KTN1: variants seen among roughly 807,000 people sequenced by gnomAD.
KTN1 encodes kinectin 1.
KTN1 carries 130 observed loss-of-function variants against 222.5 expected under a neutral mutation model. The ratio of observed to expected loss-of-function variants is 0.58; its 90% CI spans 0.51 to 0.68. KTN1 has a LOEUF of 0.68. KTN1 is among the 30% of genes least tolerant of loss of function. The pLI, the probability that KTN1 is intolerant of heterozygous loss-of-function variation, is 0.00. For synonymous variants in KTN1, 512 were observed against 496.3 expected, an observed-to-expected ratio of 1.03 and a Z score of -0.42; for missense variants, 1,508 against 1,500.4, an observed-to-expected ratio of 1.01 and a Z score of -0.08.
At chr14:55,587,267 T>C (rs2033209205) in intron 1 of KTN1, among the ~76,000 whole-genome samples, 1 of 152,184 alleles carries the variant, frequency 6.6e-6, no homozygotes, top group South Asian at 2.1e-4. Flanking sequence ...TGGTATGCCA[T>C]ATAAAGTGAA....
At position 55,684,520 on chromosome 14, in the gene KTN1, T is replaced by G; in HGVS notation, c.*417T>G. On this transcript the variant is annotated 3_prime_UTR_variant, in exon 44 of 44. Coordinates refer to ENST00000395314, the MANE Select transcript of KTN1 (RefSeq NM_001079521.2). ...TCAACTCAAGAAAACACTTTTTTGTTGCTAATGTAATCGGTTTTTGTAATG... is the reference window on the plus strand; with the variant it reads ...TCAACTCAAGAAAACACTTTTTTGTGGCTAATGTAATCGGTTTTTGTAATG... 4.8e-6 allele frequency: 1 copy of G among 207,662 alleles called. No homozygotes were observed. The highest frequency in any genetic ancestry group is 9.8e-6 in the Non-Finnish European group (1 of 102,098). The allele number at this position is 207,662 out of a possible 1,614,324, so 12.9% of individuals were successfully genotyped here.
At chr14:55,589,661 T>C (rs974363700) in intron 1 of KTN1, among the ~76,000 whole-genome samples, 13 of 140,208 alleles carry the variant, frequency 9.3e-5, no homozygotes, top group African/African-American at 1.3e-4. Context: ...GATTTCTTTT[T>C]TTTTTTTTTT....
In KTN1 at chr14:55,675,931, C is replaced by T. The variant is rs201762448; in HGVS notation, c.3855+13C>T. Reference sequence around the variant, plus strand: ...TGATTTGCATAAGGTAGGCACTGTTCGTCCTAGAGATGTAGTATCATGAGC... The same window carrying T: ...TGATTTGCATAAGGTAGGCACTGTTTGTCCTAGAGATGTAGTATCATGAGC... On this transcript the variant is annotated intron_variant, in intron 41 of 43. Coordinates refer to ENST00000395314, the MANE Select transcript of KTN1 (RefSeq NM_001079521.2). The T allele has an allele frequency of 1.2e-4, 195 of 1,580,898 alleles. No individual in the cohort carries two copies. The highest frequency in any genetic ancestry group is 1.6e-4 in the Non-Finnish European group (187 of 1,150,822).
chr14:55,632,519 G>A (rs968390809), intron 7 of KTN1, among the ~76,000 whole-genome samples: 1 of 152,044 alleles, frequency 6.6e-6, no homozygotes, highest in East Asian at 1.9e-4. Flanking sequence ...AGTGGTGGTC[G>A]CCAGGGGCTG....
intron 37 of KTN1, chr14:55,672,319 A>T (rs141299840): frequency 4.4e-4 from 111 of 250,094 alleles, no homozygotes; most frequent in African/African-American, 2.3e-3. Context: ...TTTGGGGCCA[A>T]TGTGCAGAAT....
At chr14:55,641,649 C>CT (rs1319623852) in intron 17 of KTN1, 43 bp from the exon 18 acceptor site, 5 of 1,235,148 alleles carry the variant, frequency 4.0e-6, no homozygotes, top group South Asian at 3.6e-5. Flanking sequence ...GCTTTATTAC[C>CT]TTTTTTCTTA....
At chr14:55,652,795 G>T (rs1213175624) in intron 25 of KTN1, 55 bp from the exon 26 acceptor site, 2 of 1,239,802 alleles carry the variant, frequency 1.6e-6, no homozygotes, top group Non-Finnish European at 2.3e-6. Context: ...TAAGATTTTT[G>T]CTTTTTATGG....
intron 15 of KTN1, 80 bp downstream of exon 15, chr14:55,640,522 A>G (rs902882904): frequency 2.1e-6 from 2 of 947,648 alleles, no homozygotes; most frequent in African/African-American, 3.3e-5. Flanking sequence ...TGTGAGCCCC[A>G]ATTTGATTGT....
At chr14:55,670,691 CT>C in intron 34 of KTN1, 37 bp from the exon 35 acceptor site, 1 of 1,338,322 alleles carries the variant, frequency 7.5e-7, no homozygotes, top group South Asian at 1.4e-5. Flanking sequence ...TTTTTTTTTT[CT>C]TTGGAAATTA....
chr14:55,603,902 G>A (rs563590600), intron 1 of KTN1, among the ~76,000 whole-genome samples: 3 of 151,964 alleles, frequency 2.0e-5, no homozygotes, highest in Non-Finnish European at 4.4e-5. Flanking sequence ...TTATTCTCTC[G>A]TACCCCACAT....
chr14:55,670,874 C>T lies in KTN1; in HGVS notation c.3348+65C>T. 3.8e-6 allele frequency: 4 copies of T among 1,062,588 alleles called. No individual in the cohort carries two copies. The South Asian group carries it at 4.4e-5, about 12-fold the overall frequency. 65.8% of individuals were successfully genotyped at this position (1,062,588 alleles called of 1,614,324 possible). On this transcript the variant is annotated intron_variant, in intron 35 of 43. Coordinates refer to ENST00000395314, the MANE Select transcript of KTN1 (RefSeq NM_001079521.2). Reference sequence around the variant, plus strand: ...AAAAAAGAAGCAAATAAGATTTTGTCTTCATAAGCTTGGAAAAGATAAAAG... The same window carrying T: ...AAAAAAGAAGCAAATAAGATTTTGTTTTCATAAGCTTGGAAAAGATAAAAG...
intron 3 of KTN1, 112 bp downstream of exon 3, chr14:55,616,766 A>G (rs1453218718): frequency 2.4e-6 from 2 of 825,422 alleles, no homozygotes; most frequent in Non-Finnish European, 3.7e-6. Context: ...TGTGCTAATG[A>G]CAACTGTAAT....
chr14:55,658,907 T>C (rs142317615), intron 30 of KTN1, among the ~76,000 whole-genome samples: 1 of 152,262 alleles, frequency 6.6e-6, no homozygotes, highest in Non-Finnish European at 1.5e-5. Context: ...ACTGTAGAGG[T>C]TGGGTTAAAG....
chr14:55,618,968 C>T (rs1439163127), intron 4 of KTN1, among the ~76,000 whole-genome samples: 1 of 152,126 alleles, frequency 6.6e-6, no homozygotes, highest in Non-Finnish European at 1.5e-5. Flanking sequence ...TTTGAGCAAA[C>T]TTTTAGCTAA....
intron 43 of KTN1, chr14:55,680,464 G>T (rs1271283763): frequency 5.6e-6 from 2 of 355,840 alleles, no homozygotes; most frequent in Non-Finnish European, 1.1e-5. Context: ...ATTCAGATAT[G>T]CACTGAATAC....
At chr14:55,646,232 A>G (rs541481787) in intron 18 of KTN1, among the ~76,000 whole-genome samples, 20 of 152,298 alleles carry the variant, frequency 1.3e-4, no homozygotes, top group Admixed American at 2.0e-4. Context: ...GCAATTTACA[A>G]TCAGTTTTAA....
At chr14:55,639,357 T>C in intron 13 of KTN1, 135 bp downstream of exon 13, 1 of 477,816 alleles carries the variant, frequency 2.1e-6, no homozygotes. Flanking sequence ...TTGGAGCAAC[T>C]TTTGCTTTTT....
intron 25 of KTN1, among the ~76,000 whole-genome samples, chr14:55,652,523 C>T (rs560880738): frequency 1.8e-4 from 28 of 151,858 alleles, no homozygotes; most frequent in African/African-American, 6.5e-4. Flanking sequence ...CTCAGCCTCC[C>T]GAGTAGCTGG....
chr14:55,581,024 C>G (rs1367652801), intron 1 of KTN1, among the ~76,000 whole-genome samples: 1 of 152,254 alleles, frequency 6.6e-6, no homozygotes, highest in Non-Finnish European at 1.5e-5. Context: ...TCGACACCGG[C>G]GAAGTTATCC....
Sources: allele counts gnomAD v4.1 joint callset (sites outside exome capture counted in the v4.1 genomes callset), GRCh38; gene constraint gnomAD v4.1.1; transcripts MANE v1.5; gene names NCBI Gene and HGNC (gene_info 2026-07-23, HGNC 2026-07-21).